HTR4: variants seen among roughly 807,000 people sequenced by gnomAD.
HTR4 encodes 5-hydroxytryptamine receptor 4, also known as 5-hydroxytryptamine (serotonin) receptor 4, G protein-coupled.
HTR4 carries 16 observed loss-of-function variants against 36.8 expected under a neutral mutation model. That is an observed-to-expected ratio of 0.43 (90% confidence interval 0.29 to 0.66). HTR4 has a LOEUF of 0.66. Among genes scored for constraint, HTR4 ranks in the 30% least tolerant of loss-of-function variants. HTR4 has a pLI of 0.13. For missense variants in HTR4, 438 were observed against 490.9 expected, an observed-to-expected ratio of 0.89 and a Z score of 1.02; for synonymous variants, 189 against 185.1, an observed-to-expected ratio of 1.02 and a Z score of -0.17.
At chr5:148,640,470 A>C (rs930292456) in intron 1 of HTR4, among the ~76,000 whole-genome samples, 1 of 152,212 alleles carries the variant, frequency 6.6e-6, no homozygotes, top group African/African-American at 2.4e-5. Flanking sequence ...GTTGTCAGAC[A>C]GTTTGAAGCT....
intron 1 of HTR4, among the ~76,000 whole-genome samples, chr5:148,652,669 C>T (rs557960059): frequency 1.3e-5 from 2 of 152,194 alleles, no homozygotes; most frequent in East Asian, 3.9e-4. Flanking sequence ...ACTAAATGCT[C>T]CCTGAAGCTC....
intron 4 of HTR4, among the ~76,000 whole-genome samples, chr5:148,538,987 C>A (rs756333160): frequency 6.6e-6 from 1 of 152,124 alleles, no homozygotes; most frequent in Middle Eastern, 3.2e-3. Context: ...TACTACAGGG[C>A]TACAGTAACC....
In HTR4 at chr5:148,523,323, G is replaced by A; in HGVS notation, c.377C>T (p.Pro126Leu). 1 of 1,610,956 alleles carries A rather than the reference G, an allele frequency of 6.2e-7. No homozygotes were observed. Among genetic ancestry groups the A allele is most frequent in the South Asian group, 1.1e-5 (1 of 90,494 alleles). The change falls in exon 5 of 7, where the codon CCT (proline) becomes CTT (leucine). Residue 126 changes from proline (P) to leucine (L), a missense_variant. Pro to Leu is a moderately conservative substitution (Grantham distance 98). Coordinates refer to ENST00000377888, the MANE Select transcript of HTR4 (RefSeq NM_000870.7). Reference sequence around the variant, plus strand: ...GGTCATCTTGTTCCTATAGACCAAAGGCTGGCAGCAGATGGCGTAATACCT... The same window carrying A: ...GGTCATCTTGTTCCTATAGACCAAAAGCTGGCAGCAGATGGCGTAATACCT... ...LDRYYAICCQ[P>L]LVYRNKMTPL...
rs551360196 is a variant in HTR4 at position 148,554,075 on chromosome 5, G to T, written c.27-3813C>A. Among the ~76,000 whole-genome samples the T allele has an allele frequency of 9.9e-5, 15 of 152,262 alleles. 1 individual carries two copies. The East Asian group carries it at 2.7e-3, about 27-fold the overall frequency. ...AAAAGGAATAAAGTTTGTTGTTGTTGTTGTTGTTGTTGTTTTTGAGATGGA... is the reference window on the plus strand; with the variant it reads ...AAAAGGAATAAAGTTTGTTGTTGTTTTTGTTGTTGTTGTTTTTGAGATGGA... On this transcript the variant is annotated intron_variant, in intron 2 of 6. Coordinates refer to ENST00000377888, the MANE Select transcript of HTR4 (RefSeq NM_000870.7).
chr5:148,596,904 G>C (rs1761800527), intron 2 of HTR4, among the ~76,000 whole-genome samples: 1 of 152,120 alleles, frequency 6.6e-6, no homozygotes, highest in Non-Finnish European at 1.5e-5. Context: ...GTAGCTAATA[G>C]CCTTATGAAA....
chr5:148,632,609 T>C (rs1360205434), intron 2 of HTR4, among the ~76,000 whole-genome samples: 1 of 152,200 alleles, frequency 6.6e-6, no homozygotes, highest in African/African-American at 2.4e-5. Context: ...AACCTCCAAG[T>C]GCAAGTTTAT....
At chr5:148,565,669 C>A (rs1343737411) in intron 2 of HTR4, among the ~76,000 whole-genome samples, 1 of 152,140 alleles carries the variant, frequency 6.6e-6, no homozygotes, top group Admixed American at 6.5e-5. Flanking sequence ...CACCTACACG[C>A]CCTGCCATGC....
At chr5:148,562,159 T>G (rs1460016025) in intron 2 of HTR4, among the ~76,000 whole-genome samples, 1 of 152,234 alleles carries the variant, frequency 6.6e-6, no homozygotes, top group Non-Finnish European at 1.5e-5. Context: ...ACAGCCACAC[T>G]CAATCATTTA....
At chr5:148,490,050 C>G (rs1188588012) in intron 6 of HTR4, among the ~76,000 whole-genome samples, 1 of 151,630 alleles carries the variant, frequency 6.6e-6, no homozygotes, top group Non-Finnish European at 1.5e-5. Flanking sequence ...GAAAGAGCAT[C>G]CTAAAATCAC....
intron 2 of HTR4, among the ~76,000 whole-genome samples, chr5:148,607,479 T>G (rs539061603): frequency 9.0e-4 from 137 of 152,300 alleles, no homozygotes; most frequent in Middle Eastern, 6.8e-3. Flanking sequence ...TGGGTCTTTG[T>G]TGTTTTTATA....
rs71001490 is a variant in HTR4 at position 148,463,165 on chromosome 5, C to CTTTTTTT, written c.1077-11900_1077-11894dup. On this transcript the variant is annotated intron_variant, in intron 5 of 5. Coordinates refer to the HTR4 transcript ENST00000521530. The stretch of plus-strand genomic sequence containing the variant: ...CTTTGCTTTTCATTTCTTTTTTTTT[C>CTTTTTTT]TTTTTTTTTTTTTTTTTTTTTTTTT... Among the ~76,000 whole-genome samples the CTTTTTTT allele has an allele frequency of 1.9e-3, 123 of 64,150 alleles. 3 individuals are homozygous for CTTTTTTT. The highest frequency in any genetic ancestry group is 5.4e-3 in the East Asian group (10 of 1,850). 42.1% of individuals were successfully genotyped at this position (64,150 alleles called of 152,430 possible).
At position 148,654,434 on chromosome 5, in the gene HTR4, G is replaced by A. The variant is rs575790104; in HGVS notation, c.-420C>T. 325 of 985,494 alleles carry A rather than the reference G, an allele frequency of 3.3e-4. 1 individual carries two copies. The African/African-American group carries it at 4.9e-3, about 15-fold the overall frequency. 61.0% of individuals were successfully genotyped at this position (985,494 alleles called of 1,614,324 possible). On this transcript the variant is annotated 5_prime_UTR_variant, in exon 1 of 7. Coordinates refer to ENST00000377888, the MANE Select transcript of HTR4 (RefSeq NM_000870.7). ...GGGGGTGCCGCTCTGCCGGCAGGGCGCACAGGGGAGTGGGCACAGAGGCGG... is the reference window on the plus strand; with the variant it reads ...GGGGGTGCCGCTCTGCCGGCAGGGCACACAGGGGAGTGGGCACAGAGGCGG...
chr5:148,595,437 C>T (rs1761730421), intron 2 of HTR4, among the ~76,000 whole-genome samples: 1 of 152,120 alleles, frequency 6.6e-6, no homozygotes, highest in African/African-American at 2.4e-5. Flanking sequence ...TTTCCCATGT[C>T]ATCTGCTTCA....
In HTR4 at chr5:148,483,057, AAGCCC is replaced by A. The variant is rs1755963934; in HGVS notation, c.*141_*145del. On this transcript the variant is annotated 3_prime_UTR_variant, in exon 7 of 7. Coordinates refer to ENST00000377888, the MANE Select transcript of HTR4 (RefSeq NM_000870.7). Reference sequence around the variant, plus strand: ...GCCACCTGCTGGAATCTCAGAGGAAAAGCCCAGCGAGCACCGGGTTCCTGCACTGG... The same window carrying A: ...GCCACCTGCTGGAATCTCAGAGGAAAAGCGAGCACCGGGTTCCTGCACTGG... 6.8e-6 allele frequency: 10 copies of A among 1,468,716 alleles called. No individual in the cohort carries two copies. The highest frequency in any genetic ancestry group is 8.1e-6 in the Non-Finnish European group (9 of 1,105,624). The allele number at this position is 1,468,716 out of a possible 1,614,324, so 91.0% of individuals were successfully genotyped here. A position where few individuals can be genotyped will look rare whatever the true frequency, so the allele number is the denominator to read the frequency against.
chr5:148,628,886 G>A (rs1394217502), intron 2 of HTR4: 2 of 152,118 alleles, frequency 1.3e-5, no homozygotes, highest in African/African-American at 4.8e-5. Context: ...AAAAGACACA[G>A]TCTTACAGGA....
At chr5:148,472,947 GTGTGTA>G (rs1462080799), downstream of HTR4, among the ~76,000 whole-genome samples, 1 of 152,100 alleles carries the variant, frequency 6.6e-6, no homozygotes, top group Non-Finnish European at 1.5e-5. Flanking sequence ...TTATTGTTGT[GTGTGTA>G]TGTGTGATTT....
intron 3 of HTR4, among the ~76,000 whole-genome samples, chr5:148,549,328 A>C (rs560881019): frequency 1.3e-4 from 20 of 152,288 alleles, no homozygotes; most frequent in Non-Finnish European, 2.4e-4. Flanking sequence ...ACCATTTTAC[A>C]CTAGCAGACT....
At chr5:148,534,585 C>T (rs1758723162) in intron 4 of HTR4, among the ~76,000 whole-genome samples, 1 of 152,240 alleles carries the variant, frequency 6.6e-6, no homozygotes. Context: ...CCCTTGCTAC[C>T]CTTGGACTAA....
At position 148,618,774 on chromosome 5, in the gene HTR4, G is replaced by A. The variant is rs565993133; in HGVS notation, c.26+18215C>T. Among the ~76,000 whole-genome samples the A allele has an allele frequency of 5.3e-5, 8 of 152,288 alleles. No homozygotes were observed. In the South Asian group the frequency reaches 8.3e-4, roughly 16 times the overall value. Reference sequence around the variant, plus strand: ...ATGTCAACCACAAATTTGGTTAGCCGTTAAAGTCTTCATTCAAGAAATGGA... The same window carrying A: ...ATGTCAACCACAAATTTGGTTAGCCATTAAAGTCTTCATTCAAGAAATGGA... On this transcript the variant is annotated intron_variant, in intron 2 of 6. Coordinates refer to ENST00000377888, the MANE Select transcript of HTR4 (RefSeq NM_000870.7).
Sources: gnomAD v4.1 joint callset for allele counts (sites outside exome capture counted in the v4.1 genomes callset) on GRCh38, gnomAD v4.1.1 for gene constraint, MANE v1.5 for transcripts, NCBI Gene and HGNC (gene_info 2026-07-23, HGNC 2026-07-21) for gene names.